ARHGAP6: variants seen among roughly 807,000 people sequenced by gnomAD.
ARHGAP6 encodes the protein rho GTPase-activating protein 6.
Under a neutral mutation model 55.7 loss-of-function variants are expected in ARHGAP6, and 16 were observed. The observed-to-expected ratio is 0.29, with a 90% confidence interval of 0.19 to 0.44. The LOEUF (loss-of-function observed/expected upper bound fraction) is 0.44, where lower values mean the gene tolerates loss of function less well. Among genes scored for constraint, ARHGAP6 ranks in the 20% least tolerant of loss-of-function variants. The pLI is 1.00. For synonymous variants in ARHGAP6, 382 were observed against 360.9 expected, an observed-to-expected ratio of 1.06 and a Z score of -0.66; for missense variants, 698 against 808.9, an observed-to-expected ratio of 0.86 and a Z score of 1.66.
chrX:11,179,611 G>A (rs747110205), intron 6 of ARHGAP6, among the ~76,000 whole-genome samples, 159 bp from the exon 7 acceptor site: 1 of 108,367 alleles, frequency 9.2e-6, no homozygotes, highest in Admixed American at 1.0e-4. Context: ...CTGCCGAGTT[G>A]ACACAGTCCA....
chrX:11,608,719 GGTAGTAA>G (rs1018347014), intron 1 of ARHGAP6, among the ~76,000 whole-genome samples: 7 of 111,578 alleles, frequency 6.3e-5, no homozygotes, highest in South Asian at 3.8e-4. Flanking sequence ...CTGTTCTCAT[GGTAGTAA>G]GTCTCACAAG....
intron 1 of ARHGAP6, among the ~76,000 whole-genome samples, chrX:11,331,813 C>T (rs1270010319): frequency 1.8e-5 from 2 of 111,929 alleles, no homozygotes; most frequent in African/African-American, 6.5e-5. Context: ...CTATTCTTGG[C>T]ATCTCACAAC....
intron 1 of ARHGAP6, among the ~76,000 whole-genome samples, chrX:11,337,983 C>A (rs891894684): frequency 4.5e-5 from 5 of 111,331 alleles, no homozygotes; most frequent in African/African-American, 1.6e-4. Context: ...GGTGTCCTGG[C>A]TTTCTAGCAA....
intron 1 of ARHGAP6, among the ~76,000 whole-genome samples, chrX:11,368,148 G>A (rs1462539535): frequency 1.8e-5 from 2 of 112,441 alleles, no homozygotes; most frequent in African/African-American, 3.2e-5. Flanking sequence ...ACAGATTGCC[G>A]TGGGTCTTGC....
chrX:11,476,657 T>C (rs1452658122), intron 1 of ARHGAP6, among the ~76,000 whole-genome samples: 2 of 111,107 alleles, frequency 1.8e-5, no homozygotes, highest in Admixed American at 9.6e-5. Flanking sequence ...TGGGACAGAA[T>C]AGAGAATCCA....
chrX:11,616,485 C>T (rs1188427204), intron 1 of ARHGAP6, among the ~76,000 whole-genome samples: 1 of 110,670 alleles, frequency 9.0e-6, no homozygotes, highest in African/African-American at 3.3e-5. Flanking sequence ...ACCACCATGC[C>T]CAGCTAATTT....
chrX:11,518,987 G>A (rs1259375759), intron 1 of ARHGAP6, among the ~76,000 whole-genome samples: 2 of 96,921 alleles, frequency 2.1e-5, no homozygotes, highest in African/African-American at 8.1e-5. Context: ...TGGCTGCATA[G>A]TATACCATGG....
chrX:11,394,966 T>C (rs1280166367), intron 1 of ARHGAP6, among the ~76,000 whole-genome samples: 1 of 112,135 alleles, frequency 8.9e-6, no homozygotes, highest in Admixed American at 9.5e-5. Context: ...AGAACATTAG[T>C]CATGTTGTCC....
intron 1 of ARHGAP6, among the ~76,000 whole-genome samples, chrX:11,426,703 C>T (rs2049883262): frequency 9.0e-6 from 1 of 110,549 alleles, no homozygotes; most frequent in Admixed American, 9.6e-5. Flanking sequence ...AGTCATTCCT[C>T]AGAAACAACT....
chrX:11,415,706 C>T (rs757703657), intron 1 of ARHGAP6, among the ~76,000 whole-genome samples: 5 of 111,926 alleles, frequency 4.5e-5, no homozygotes, highest in South Asian at 3.8e-4. Flanking sequence ...TTCCTGCCTA[C>T]GTCTCAAGAG....
chrX:11,342,921 G>A lies in ARHGAP6; in HGVS notation c.589-88214C>T, dbSNP rs775447019. ...GTCAAGTGTCTTTGGCTGATAGACTGGATGAATAATTGACTTGTTCTTGAA... is the reference window on the plus strand; with the variant it reads ...GTCAAGTGTCTTTGGCTGATAGACTAGATGAATAATTGACTTGTTCTTGAA... On this transcript the variant is annotated intron_variant, in intron 1 of 12. Transcript: ENST00000337414. 1.6e-4 allele frequency among the ~76,000 whole-genome samples: 18 copies of A among 112,172 alleles called. No individual in the cohort carries two copies. In the East Asian group the frequency reaches 2.8e-3, roughly 18 times the overall value.
At chrX:11,500,872 G>T (rs2050671422) in intron 1 of ARHGAP6, among the ~76,000 whole-genome samples, 1 of 110,134 alleles carries the variant, frequency 9.1e-6, no homozygotes, top group Non-Finnish European at 1.9e-5. Flanking sequence ...ATTTCAATAG[G>T]ATCATGGACA....
At chrX:11,552,595 TATATAG>T (rs1444365859) in intron 1 of ARHGAP6, among the ~76,000 whole-genome samples, 7 of 66,061 alleles carry the variant, frequency 1.1e-4, no homozygotes, top group African/African-American at 2.4e-4. Context: ...TATATATATA[TATATAG>T]ACACACACAC....
intron 1 of ARHGAP6, among the ~76,000 whole-genome samples, chrX:11,538,639 T>C (rs932609362): frequency 1.5e-4 from 17 of 112,078 alleles, no homozygotes; most frequent in African/African-American, 4.9e-4. Flanking sequence ...TAAATGCTTC[T>C]AATTTTAAAA....
intron 1 of ARHGAP6, among the ~76,000 whole-genome samples, chrX:11,432,231 T>G (rs1217045874): frequency 8.9e-6 from 1 of 112,845 alleles, no homozygotes; most frequent in Admixed American, 9.3e-5. Flanking sequence ...TGACTTCTTT[T>G]GCTCAACATT....
intron 4 of ARHGAP6, among the ~76,000 whole-genome samples, chrX:11,187,629 C>T (rs909541782): frequency 9.0e-6 from 1 of 111,535 alleles, no homozygotes; most frequent in Non-Finnish European, 1.9e-5. Context: ...TTGGACAAGC[C>T]CTAAATGTTA....
At chrX:11,443,072 C>T (rs2050056118) in intron 1 of ARHGAP6, among the ~76,000 whole-genome samples, 1 of 111,977 alleles carries the variant, frequency 8.9e-6, no homozygotes, top group African/African-American at 3.3e-5. Flanking sequence ...CCACCCAAAT[C>T]ATGAAGAGTC....
intron 1 of ARHGAP6, among the ~76,000 whole-genome samples, chrX:11,310,376 A>G (rs994467040): frequency 3.4e-4 from 38 of 110,903 alleles, no homozygotes; most frequent in African/African-American, 1.2e-3. Flanking sequence ...CTGCACAAAA[A>G]CTTGCATATG....
At chrX:11,318,100 C>G (rs1373224307) in intron 1 of ARHGAP6, among the ~76,000 whole-genome samples, 3 of 112,199 alleles carry the variant, frequency 2.7e-5, no homozygotes, top group Non-Finnish European at 5.6e-5. Context: ...GCTTTAACGT[C>G]TACATCAATT....
Sources: allele counts gnomAD v4.1 joint callset (sites outside exome capture counted in the v4.1 genomes callset), GRCh38; gene constraint gnomAD v4.1.1; transcripts MANE v1.5; gene names NCBI Gene and HGNC (gene_info 2026-07-23, HGNC 2026-07-21).